Variants in PIR observed in about 807,000 individuals in gnomAD.
PIR encodes the protein pirin, also known as pirin (iron-binding nuclear protein).
In PIR, 22 loss-of-function variants were observed where a neutral mutation model predicts 24.2. The ratio of observed to expected loss-of-function variants is 0.91; its 90% CI spans 0.65 to 1.30. The LOEUF (loss-of-function observed/expected upper bound fraction) is 1.30. PIR is among the 50% of genes most tolerant of loss of function. PIR has a pLI of 0.00. For missense variants in PIR, 220 were observed against 220.3 expected (o/e 1.00, Z 0.01); for synonymous variants, 80 against 79.6 (o/e 1.00, Z -0.03).
intron 5 of PIR, among the ~76,000 whole-genome samples, chrX:15,443,809 C>T (rs1925999861): frequency 9.0e-6 from 1 of 111,514 alleles, no homozygotes; most frequent in Non-Finnish European, 1.9e-5. Context: ...CGGAGGAAGT[C>T]ACTGCAAATA....
intron 6 of PIR, among the ~76,000 whole-genome samples, chrX:15,419,461 C>A (rs982784392): frequency 5.5e-5 from 6 of 108,993 alleles, no homozygotes; most frequent in African/African-American, 1.7e-4. Flanking sequence ...AGAGAGAACA[C>A]TATAACTAAA....
At position 15,482,637 on chromosome X, in the gene PIR, T is replaced by C. The variant is rs191403503; in HGVS notation, c.97-2816A>G. On this transcript the variant is annotated intron_variant, in intron 2 of 9. Transcript: ENST00000380420. ...TTGGTCATGATATATTATCTTTTAA[T>C]ACATTGTTGAATTTGGTTGGTTAAT... Among the ~76,000 whole-genome samples the C allele has an allele frequency of 2.4e-3, 272 of 112,154 alleles. 1 individual carries two copies. The highest frequency in any genetic ancestry group is 7.9e-3 in the African/African-American group (245 of 30,936).
At chrX:15,464,258 C>G (rs1314363637) in intron 3 of PIR, 1 of 170,908 alleles carries the variant, frequency 5.9e-6, no homozygotes, top group African/African-American at 3.1e-5. Context: ...GAACATACAT[C>G]ACAATGTGAA....
intron 5 of PIR, 116 bp from the exon 6 acceptor site, chrX:15,426,106 C>A: frequency 2.2e-6 from 1 of 462,630 alleles, no homozygotes; most frequent in Admixed American, 3.6e-5. Flanking sequence ...ATAGTTCCTC[C>A]TAGGGAAGTG....
chrX:15,485,783 A>G (rs947241870), intron 2 of PIR, among the ~76,000 whole-genome samples: 4 of 112,421 alleles, frequency 3.6e-5, no homozygotes, highest in African/African-American at 1.3e-4. Flanking sequence ...GTCCTCGTCA[A>G]ACTTCCTAAC....
intron 3 of PIR, among the ~76,000 whole-genome samples, chrX:15,470,880 G>A (rs1392105199): frequency 9.0e-6 from 1 of 111,692 alleles, no homozygotes; most frequent in Non-Finnish European, 1.9e-5. Context: ...TGGGATTACA[G>A]GCGTGAGCCA....
chrX:15,410,418 T>C (rs951406947), intron 6 of PIR, among the ~76,000 whole-genome samples: 1 of 111,913 alleles, frequency 8.9e-6, no homozygotes, highest in Non-Finnish European at 1.9e-5. Context: ...GAATCCTCTA[T>C]TCACGGTTTA....
chrX:15,452,111 G>C (rs1415325424), intron 5 of PIR, among the ~76,000 whole-genome samples: 1 of 111,650 alleles, frequency 9.0e-6, no homozygotes, highest in African/African-American at 3.3e-5. Flanking sequence ...AACCCCAGTG[G>C]GGCTGAGGCC....
chrX:15,453,763 G>A, intron 5 of PIR, among the ~76,000 whole-genome samples: 1 of 111,791 alleles, frequency 8.9e-6, no homozygotes, highest in Non-Finnish European at 1.9e-5. Flanking sequence ...GCTTGAAAGT[G>A]CTTTACTGGC....
chrX:15,430,308 C>A (rs1198220316), intron 5 of PIR, among the ~76,000 whole-genome samples: 1 of 111,273 alleles, frequency 9.0e-6, no homozygotes, highest in East Asian at 2.8e-4. Flanking sequence ...GTCTTTCTTT[C>A]CATTTCACAA....
chrX:15,407,234 G>A (rs746368359), intron 7 of PIR, among the ~76,000 whole-genome samples: 3 of 111,837 alleles, frequency 2.7e-5, no homozygotes, highest in Middle Eastern at 4.6e-3. Context: ...ACGTCTTAGC[G>A]AGGTATCAAA....
chrX:15,475,819 AC>A (rs1922162854), intron 3 of PIR, among the ~76,000 whole-genome samples: 1 of 111,921 alleles, frequency 8.9e-6, no homozygotes, highest in East Asian at 2.8e-4. Context: ...TCCCCAGAAA[AC>A]AAACTCCTGG....
chrX:15,442,693 T>C (rs1206041907), intron 5 of PIR, among the ~76,000 whole-genome samples: 1 of 112,104 alleles, frequency 8.9e-6, no homozygotes, highest in Non-Finnish European at 1.9e-5. Context: ...TTGAGTGGTC[T>C]GGATGGAAGA....
chrX:15,479,842 G>A (rs1569211551), intron 2 of PIR, 21 bp from the exon 3 acceptor site: 1 of 921,490 alleles, frequency 1.1e-6, no homozygotes, highest in Non-Finnish European at 1.6e-6. Context: ...AATAAAATTT[G>A]CAGATTAGAT....
chrX:15,390,796 T>C (rs1400630684), intron 8 of PIR, among the ~76,000 whole-genome samples: 1 of 111,867 alleles, frequency 8.9e-6, no homozygotes, highest in African/African-American at 3.2e-5. Context: ...TAAAAGTTTT[T>C]GCTTAGAATT....
chrX:15,430,725 C>T (rs1925480057), intron 5 of PIR, among the ~76,000 whole-genome samples: 1 of 111,986 alleles, frequency 8.9e-6, no homozygotes, highest in Non-Finnish European at 1.9e-5. Flanking sequence ...GGCTTCCTTC[C>T]TCTGCTTTTA....
chrX:15,426,059 C>G, intron 5 of PIR, 69 bp from the exon 6 acceptor site: 1 of 685,369 alleles, frequency 1.5e-6, no homozygotes, highest in Non-Finnish European at 2.4e-6. Flanking sequence ...TCAGCTGGCC[C>G]TTCTGTAATA....
chrX:15,432,138 G>T (rs1327807009), intron 5 of PIR, among the ~76,000 whole-genome samples: 1 of 110,874 alleles, frequency 9.0e-6, no homozygotes, highest in South Asian at 3.8e-4. Flanking sequence ...ATTAATTAAG[G>T]CCACTTGCAT....
rs866898423 is a variant in PIR at position 15,459,660 on chromosome X, C to T, written c.270G>A (p.Leu90=). ...GHTGKMNPGD[L]QWMTAGRGIL... ...AATTCCTTGTCCTTGGCCATACCTG[C>T]AAATCTCCTGGGTTCATTTTACCAG... Residue 90 remains leucine, a synonymous_variant, in exon 4 of 10, where the codon TTG becomes TTA. Coordinates refer to ENST00000380420, the MANE Select transcript of PIR (RefSeq NM_001018109.3). 2 of 1,183,132 alleles carry T rather than the reference C, an allele frequency of 1.7e-6. No homozygotes were observed. Among genetic ancestry groups the T allele is most frequent in the Middle Eastern group, 4.7e-4 (2 of 4,281 alleles).
Sources: allele counts gnomAD v4.1 joint callset (sites outside exome capture counted in the v4.1 genomes callset), GRCh38; gene constraint gnomAD v4.1.1; transcripts MANE v1.5; gene names NCBI Gene and HGNC (gene_info 2026-07-23, HGNC 2026-07-21).